The following TRMT9B variants were observed in gnomAD, a reference collection of about 807,000 sequenced individuals.
TRMT9B encodes the protein probable tRNA methyltransferase 9B.
A neutral mutation model predicts 11.5 loss-of-function variants in TRMT9B; 16 were observed. The ratio of observed to expected loss-of-function variants is 1.39; its 90% CI spans 0.94 to 2.11. The LOEUF (loss-of-function observed/expected upper bound fraction) is 2.11, where lower values mean the gene tolerates loss of function less well. Ranked by LOEUF, TRMT9B falls within the 30% of genes most tolerant of loss-of-function variation. The pLI, the probability that TRMT9B is intolerant of heterozygous loss-of-function variation, is 0.00. For synonymous variants in TRMT9B, 274 were observed against 192.4 expected, an observed-to-expected ratio of 1.42 and a Z score of -3.51; for missense variants, 941 against 553.8, an observed-to-expected ratio of 1.70 and a Z score of -7.02.
intron 4 of TRMT9B, among the ~76,000 whole-genome samples, chr8:13,019,316 G>A (rs945072528): frequency 4.6e-5 from 7 of 152,108 alleles, no homozygotes; most frequent in Admixed American, 2.0e-4. Context: ...ATTTGAGACA[G>A]CGTCTCACTC....
chr8:13,013,244 G>T (rs941562339), intron 4 of TRMT9B, among the ~76,000 whole-genome samples: 1 of 152,132 alleles, frequency 6.6e-6, no homozygotes, highest in Non-Finnish European at 1.5e-5. Flanking sequence ...CAAAATAGTG[G>T]CCTTTGTTAA....
intron 3 of TRMT9B, among the ~76,000 whole-genome samples, chr8:13,008,341 A>G (rs1810892131): frequency 6.6e-6 from 1 of 152,232 alleles, no homozygotes; most frequent in South Asian, 2.1e-4. Flanking sequence ...AATCACCAGT[A>G]AAAACTGTAC....
intron 1 of TRMT9B, among the ~76,000 whole-genome samples, chr8:12,955,308 G>A (rs982652038): frequency 4.6e-5 from 7 of 152,166 alleles, no homozygotes; most frequent in Non-Finnish European, 7.4e-5. Flanking sequence ...GTAACCTGTG[G>A]TTGTTTTTAG....
intron 1 of TRMT9B, among the ~76,000 whole-genome samples, chr8:12,968,484 G>A (rs545232467): frequency 6.6e-6 from 1 of 152,344 alleles, no homozygotes; most frequent in South Asian, 2.1e-4. Flanking sequence ...GAGCTACATA[G>A]TTTTAAATAA....
intron 1 of TRMT9B, among the ~76,000 whole-genome samples, chr8:12,956,734 A>C (rs1801367817): frequency 6.6e-6 from 1 of 152,222 alleles, no homozygotes. Flanking sequence ...CAGCATGCTC[A>C]TTTTAAGGAT....
chr8:12,987,478 CCCAGGAGTTTGAGA>C (rs1336992554), intron 1 of TRMT9B, among the ~76,000 whole-genome samples: 1 of 151,988 alleles, frequency 6.6e-6, no homozygotes, highest in African/African-American at 2.4e-5. Context: ...ACTGTTTGAG[CCCAGGAGTTTGAGA>C]CCAGCCTGGG....
rs1361123626 is a variant in TRMT9B, at chr8:12,990,866, G to A, written c.-167G>A. ...GCTTCCTTCAGAGACTCACACAAGAGGTTTATCATGAGAAGGACCGCACTA... is the reference window on the plus strand; with the variant it reads ...GCTTCCTTCAGAGACTCACACAAGAAGTTTATCATGAGAAGGACCGCACTA... On this transcript the variant is annotated 5_prime_UTR_variant, in exon 2 of 5. Coordinates refer to ENST00000524591, the MANE Select transcript of TRMT9B (RefSeq NM_020844.3). The A allele has an allele frequency of 1.6e-6, 2 of 1,289,474 alleles. No homozygotes were observed. Among genetic ancestry groups the A allele is most frequent in the African/African-American group, 1.5e-5 (1 of 65,840 alleles). The allele number at this position is 1,289,474 out of a possible 1,614,324, so 79.9% of individuals were successfully genotyped here.
intron 1 of TRMT9B, among the ~76,000 whole-genome samples, chr8:12,980,208 C>G (rs1489114997): frequency 6.6e-6 from 1 of 152,120 alleles, no homozygotes; most frequent in Admixed American, 6.6e-5. Flanking sequence ...GAATTCTCCA[C>G]AGGAAAATTC....
chr8:12,999,426 A>G (rs1181879985), intron 2 of TRMT9B, among the ~76,000 whole-genome samples: 1 of 152,146 alleles, frequency 6.6e-6, no homozygotes, highest in Non-Finnish European at 1.5e-5. Flanking sequence ...TTTCACACAT[A>G]CATACACGCA....
chr8:13,016,138 A>G (rs1812613448), intron 4 of TRMT9B, among the ~76,000 whole-genome samples: 1 of 142,336 alleles, frequency 7.0e-6, no homozygotes. Context: ...ACATAAATAT[A>G]AGGGACCCTG....
chr8:13,001,326 G>A (rs546995758), intron 2 of TRMT9B, among the ~76,000 whole-genome samples: 2 of 152,232 alleles, frequency 1.3e-5, no homozygotes, highest in East Asian at 1.9e-4. Context: ...TCAGTGAGGC[G>A]GGGATCCCTG....
intron 3 of TRMT9B, chr8:13,007,173 T>G (rs1418154196): frequency 6.6e-6 from 1 of 152,226 alleles, no homozygotes. Context: ...TATAGAATTG[T>G]GGGATTATGG....
intron 1 of TRMT9B, among the ~76,000 whole-genome samples, chr8:12,982,618 C>T (rs149075132): frequency 0.016 from 2,360 of 151,596 alleles, 28 homozygotes; most frequent in Non-Finnish European, 0.022. Flanking sequence ...GCCGAGATTG[C>T]GCCACTGCAC....
chr8:13,029,506 A>ATC lies in TRMT9B; in HGVS notation c.*7463_*7464dup, dbSNP rs1815122279. 1 of 166,980 alleles carries ATC rather than the reference A, an allele frequency of 6.0e-6. No homozygotes were observed. The allele number at this position is 166,980 out of a possible 1,614,324, so 10.3% of individuals were successfully genotyped here. A position where few individuals can be genotyped will look rare whatever the true frequency, so the allele number is the denominator to read the frequency against. ...ATGTATTCAATTATTTAAGTTAAGTATCAGTGTATTTTTAAAAAGTGTTCC... is the reference window on the plus strand; with the variant it reads ...ATGTATTCAATTATTTAAGTTAAGTATCTCAGTGTATTTTTAAAAAGTGTTCC... On this transcript the variant is annotated 3_prime_UTR_variant, in exon 5 of 5. Coordinates refer to ENST00000524591, the MANE Select transcript of TRMT9B (RefSeq NM_020844.3).
chr8:13,017,604 C>T (rs1198975291), intron 4 of TRMT9B, among the ~76,000 whole-genome samples: 1 of 131,026 alleles, frequency 7.6e-6, no homozygotes, highest in African/African-American at 2.8e-5. Context: ...ATGAAGTAAT[C>T]ATTTGTAGGC....
chr8:12,996,291 C>T (rs965265456), intron 2 of TRMT9B, among the ~76,000 whole-genome samples: 2 of 152,290 alleles, frequency 1.3e-5, no homozygotes, highest in Non-Finnish European at 2.9e-5. Flanking sequence ...AATTTCCTTC[C>T]TCTCATCATA....
chr8:12,980,514 G>A (rs538459868), intron 1 of TRMT9B, among the ~76,000 whole-genome samples: 3 of 152,278 alleles, frequency 2.0e-5, no homozygotes, highest in East Asian at 1.9e-4. Flanking sequence ...CCCTGCTCCC[G>A]TGTCTATGGT....
chr8:13,000,558 C>T (rs1265541644), intron 2 of TRMT9B, among the ~76,000 whole-genome samples: 1 of 152,172 alleles, frequency 6.6e-6, no homozygotes, highest in East Asian at 1.9e-4. Flanking sequence ...CAACTTCCCC[C>T]AGCAAAGTTA....
Position 13,022,227 on chromosome 8 carries a change from A to G in TRMT9B, c.*183A>G, listed in dbSNP as rs1814080411. The G allele has an allele frequency of 1.9e-5, 10 of 538,846 alleles. No individual in the cohort carries two copies. The highest frequency in any genetic ancestry group is 1.9e-5 in the African/African-American group (1 of 51,510). 33.4% of individuals were successfully genotyped at this position (538,846 alleles called of 1,614,324 possible). A position where few individuals can be genotyped will look rare whatever the true frequency, so the allele number is the denominator to read the frequency against. On this transcript the variant is annotated 3_prime_UTR_variant, in exon 5 of 5. Transcript: ENST00000524591. Reference sequence around the variant, plus strand: ...GAATAAGCACAGATTCTGGCATTGAAAGCACTTGACAAAGGGTATTTGTGC... The same window carrying G: ...GAATAAGCACAGATTCTGGCATTGAGAGCACTTGACAAAGGGTATTTGTGC...
Sources: gnomAD v4.1 joint callset for allele counts (sites outside exome capture counted in the v4.1 genomes callset) on GRCh38, gnomAD v4.1.1 for gene constraint, MANE v1.5 for transcripts, NCBI Gene and HGNC (gene_info 2026-07-23, HGNC 2026-07-21) for gene names.